The following ANKS1B variants were observed in gnomAD, a reference collection of about 807,000 sequenced individuals.
ANKS1B encodes ankyrin repeat and sterile alpha motif domain-containing protein 1B.
Under a neutral mutation model 148.3 loss-of-function variants are expected in ANKS1B, and 36 were observed. The observed-to-expected ratio is 0.24, with a 90% CI of 0.19 to 0.32. The LOEUF is 0.32. ANKS1B is among the 10% of genes least tolerant of loss of function. The pLI, the probability that ANKS1B is intolerant of heterozygous loss-of-function variation, is 1.00. For synonymous variants in ANKS1B, 542 were observed against 560.8 expected (o/e 0.97, Z 0.47); for missense variants, 1,157 against 1,542.6 (o/e 0.75, Z 4.19).
chr12:99,446,926 G>T (rs969537806), intron 10 of ANKS1B, among the ~76,000 whole-genome samples: 1 of 152,040 alleles, frequency 6.6e-6, no homozygotes, highest in African/African-American at 2.4e-5. Context: ...TTTTGGAGTT[G>T]ATAAGTGATT....
intron 1 of ANKS1B, among the ~76,000 whole-genome samples, chr12:99,889,249 C>T (rs1411062660): frequency 6.6e-6 from 1 of 151,938 alleles, no homozygotes; most frequent in Admixed American, 6.6e-5. Context: ...GCTGTGTGAC[C>T]CTTGTTTTAA....
At chr12:98,983,642 C>T (rs1275017073) in intron 17 of ANKS1B, among the ~76,000 whole-genome samples, 1 of 152,158 alleles carries the variant, frequency 6.6e-6, no homozygotes. Context: ...ATATATTCAC[C>T]ACTTCCCAAG....
At chr12:98,762,477 C>T (rs1035890153) in intron 25 of ANKS1B, among the ~76,000 whole-genome samples, 37 of 152,248 alleles carry the variant, frequency 2.4e-4, no homozygotes, top group Admixed American at 4.6e-4. Context: ...TCACCACCAA[C>T]GGGCTGCCCT....
intron 14 of ANKS1B, among the ~76,000 whole-genome samples, chr12:99,237,711 T>G (rs1201563763): frequency 6.6e-6 from 1 of 152,224 alleles, no homozygotes; most frequent in African/African-American, 2.4e-5. Flanking sequence ...GTCATCAGAT[T>G]CTTTAATGCT....
chr12:99,965,794 C>G (rs759595108), intron 1 of ANKS1B, among the ~76,000 whole-genome samples: 12 of 152,114 alleles, frequency 7.9e-5, no homozygotes, highest in Non-Finnish European at 1.6e-4. Flanking sequence ...TATTTGTAGT[C>G]CCAGCTACTC....
chr12:99,565,683 G>A (rs1275865395), intron 9 of ANKS1B, among the ~76,000 whole-genome samples: 1 of 152,114 alleles, frequency 6.6e-6, no homozygotes, highest in East Asian at 1.9e-4. Flanking sequence ...GGTTTTATCA[G>A]ACTGCTTCCT....
At chr12:99,898,541 A>G (rs185270606) in intron 1 of ANKS1B, among the ~76,000 whole-genome samples, 94 of 152,318 alleles carry the variant, frequency 6.2e-4, no homozygotes, top group Non-Finnish European at 1.1e-3. Context: ...TTTGGTTTAA[A>G]AGAAAAAAAG....
chr12:99,904,873 G>A (rs2093725086), intron 1 of ANKS1B, among the ~76,000 whole-genome samples: 1 of 152,026 alleles, frequency 6.6e-6, no homozygotes, highest in Non-Finnish European at 1.5e-5. Flanking sequence ...CTTTTCTATT[G>A]TTACAAGTAT....
intron 16 of ANKS1B, among the ~76,000 whole-genome samples, chr12:99,079,244 TG>T (rs2048858044): frequency 6.6e-6 from 1 of 152,168 alleles, no homozygotes; most frequent in Non-Finnish European, 1.5e-5. Context: ...CACTAAAATT[TG>T]GGGTAATTTG....
At chr12:99,556,647 TG>T (rs2097279707) in intron 9 of ANKS1B, among the ~76,000 whole-genome samples, 1 of 152,224 alleles carries the variant, frequency 6.6e-6, no homozygotes, top group Non-Finnish European at 1.5e-5. Context: ...GTTTTATTTT[TG>T]TTCTCCTTAG....
At chr12:98,746,316 C>T (rs952773414) in intron 26 of ANKS1B, among the ~76,000 whole-genome samples, 2 of 152,164 alleles carry the variant, frequency 1.3e-5, no homozygotes, top group African/African-American at 2.4e-5. Context: ...CCTGATTTTT[C>T]TGCTGCAGCC....
chr12:99,659,659 T>G, intron 8 of ANKS1B, among the ~76,000 whole-genome samples: 1 of 147,906 alleles, frequency 6.8e-6, no homozygotes, highest in East Asian at 2.5e-4. Flanking sequence ...TGTCTGTGTG[T>G]GTGCATGTGT....
intron 15 of ANKS1B, among the ~76,000 whole-genome samples, chr12:99,128,350 C>G (rs1159251387): frequency 1.3e-5 from 2 of 152,206 alleles, no homozygotes; most frequent in African/African-American, 4.8e-5. Context: ...TATGAAAAGA[C>G]AGTATTGCTA....
chr12:98,735,129 T>A (rs2097767603), exon 10 of ANKS1B: 1 of 398,498 alleles, frequency 2.5e-6, no homozygotes, highest in Non-Finnish European at 4.4e-6. Flanking sequence ...AAAGAAGAGA[T>A]ACCTAGTATG....
intron 10 of ANKS1B, among the ~76,000 whole-genome samples, chr12:99,473,218 T>G (rs2096268327): frequency 6.6e-6 from 1 of 152,056 alleles, no homozygotes; most frequent in African/African-American, 2.4e-5. Context: ...TACATTAATA[T>G]CATATGACAA....
chr12:99,424,622 A>ACAC (rs1567074978), intron 11 of ANKS1B, among the ~76,000 whole-genome samples: 12 of 147,362 alleles, frequency 8.1e-5, no homozygotes, highest in South Asian at 6.5e-4. Context: ...AGGTAGCAGA[A>ACAC]ACACACACAC....
chr12:99,955,693 C>G (rs1438331522), intron 1 of ANKS1B, among the ~76,000 whole-genome samples: 2 of 151,884 alleles, frequency 1.3e-5, no homozygotes, highest in Non-Finnish European at 2.9e-5. Context: ...GCTTGAGTTA[C>G]AAAGAACATA....
chr12:99,098,275 G>C (rs2056859920), intron 15 of ANKS1B, among the ~76,000 whole-genome samples: 1 of 152,200 alleles, frequency 6.6e-6, no homozygotes, highest in Non-Finnish European at 1.5e-5. Context: ...GCTTCCCATA[G>C]CTTTGACAAG....
At chr12:99,249,031 T>A (rs1265701389) in intron 12 of ANKS1B, among the ~76,000 whole-genome samples, 1 of 152,174 alleles carries the variant, frequency 6.6e-6, no homozygotes, top group African/African-American at 2.4e-5. Flanking sequence ...CTTGTTCCAA[T>A]GCATTTTTTT....
Sources: allele counts gnomAD v4.1 joint callset (sites outside exome capture counted in the v4.1 genomes callset), GRCh38; gene constraint gnomAD v4.1.1; transcripts MANE v1.5; gene names NCBI Gene and HGNC (gene_info 2026-07-23, HGNC 2026-07-21).